DLG2: variants seen among roughly 807,000 people sequenced by gnomAD.
DLG2 encodes disks large homolog 2.
In DLG2, 45 loss-of-function variants were observed where a neutral mutation model predicts 132.5. That is an observed-to-expected ratio of 0.34 (90% CI 0.27 to 0.44). The LOEUF (loss-of-function observed/expected upper bound fraction) is 0.44, where lower values mean the gene tolerates loss of function less well. DLG2 is among the 20% of genes least tolerant of loss of function. DLG2 has a pLI of 1.00. For missense variants in DLG2, 1,045 were observed against 1,196.9 expected, an observed-to-expected ratio of 0.87 and a Z score of 1.87; for synonymous variants, 424 against 419.6, an observed-to-expected ratio of 1.01 and a Z score of -0.13.
At chr11:83,515,892 G>A (rs886879678) in intron 21 of DLG2, among the ~76,000 whole-genome samples, 1 of 152,218 alleles carries the variant, frequency 6.6e-6, no homozygotes, top group African/African-American at 2.4e-5. Context: ...CTGAGGGACA[G>A]TTTGTTATAA....
intron 19 of DLG2, among the ~76,000 whole-genome samples, chr11:83,588,614 C>T (rs1247967070): frequency 6.6e-6 from 1 of 151,552 alleles, no homozygotes; most frequent in African/African-American, 2.4e-5. Context: ...CAGTTCCTCA[C>T]CAGCAACGGA....
intron 6 of DLG2, among the ~76,000 whole-genome samples, chr11:84,733,408 T>C (rs926394650): frequency 3.3e-5 from 5 of 152,242 alleles, no homozygotes; most frequent in Non-Finnish European, 5.9e-5. Context: ...TGAGCATTTT[T>C]TACTGTGTCT....
upstream of DLG2, chr11:85,627,956 T>C: frequency 6.5e-6 from 1 of 152,856 alleles, no homozygotes; most frequent in South Asian, 2.0e-4. Flanking sequence ...GGCCTTGCAG[T>C]GCCCCCCACC....
chr11:85,551,397 GC>G (rs2076657243), intron 3 of DLG2, among the ~76,000 whole-genome samples: 1 of 151,966 alleles, frequency 6.6e-6, no homozygotes, highest in African/African-American at 2.4e-5. Flanking sequence ...GTCATGATTA[GC>G]CCAGTTTTTC....
At chr11:84,536,301 A>G (rs2099355492) in intron 6 of DLG2, among the ~76,000 whole-genome samples, 1 of 152,184 alleles carries the variant, frequency 6.6e-6, no homozygotes, top group South Asian at 2.1e-4. Context: ...ATAAGCGCCA[A>G]GACCCTATCC....
chr11:85,321,973 C>T (rs1241851731), intron 3 of DLG2, among the ~76,000 whole-genome samples: 1 of 152,046 alleles, frequency 6.6e-6, no homozygotes, highest in East Asian at 1.9e-4. Context: ...TATATTAAGG[C>T]TATAAGAATC....
chr11:84,502,326 C>A (rs2099217720), intron 7 of DLG2, among the ~76,000 whole-genome samples: 1 of 16,194 alleles, frequency 6.2e-5, no homozygotes, highest in East Asian at 9.9e-4. Context: ...TTCTTTCTTT[C>A]TTTCTTTCTT....
chr11:84,043,516 C>T (rs903695845), intron 11 of DLG2, among the ~76,000 whole-genome samples: 3 of 151,712 alleles, frequency 2.0e-5, no homozygotes, highest in African/African-American at 7.3e-5. Context: ...GTTATCTTTT[C>T]TCACTCTCTT....
At chr11:85,229,923 G>C (rs1234380406) in intron 4 of DLG2, among the ~76,000 whole-genome samples, 1 of 152,006 alleles carries the variant, frequency 6.6e-6, no homozygotes, top group Non-Finnish European at 1.5e-5. Flanking sequence ...GGTGGGAGTT[G>C]AACAATGAGA....
intron 16 of DLG2, among the ~76,000 whole-genome samples, chr11:83,869,508 T>C (rs1484772049): frequency 6.6e-6 from 1 of 152,160 alleles, no homozygotes; most frequent in Non-Finnish European, 1.5e-5. Flanking sequence ...GTGTCTTTTG[T>C]GCCAAACAGT....
At chr11:83,467,810 TACACACACACATATAAA>T (rs2091398631) in intron 25 of DLG2, among the ~76,000 whole-genome samples, 5 of 96,294 alleles carry the variant, frequency 5.2e-5, no homozygotes, top group South Asian at 3.8e-4. Context: ...TATATATATA[TACACACACACATATAAA>T]ATATATAATT....
chr11:83,584,245 C>G (rs1228408781), intron 19 of DLG2, among the ~76,000 whole-genome samples: 16 of 152,194 alleles, frequency 1.1e-4, no homozygotes, highest in Non-Finnish European at 2.1e-4. Context: ...TTCCTAGCAT[C>G]TAACACAGTG....
At chr11:85,321,059 G>A (rs187909569) in intron 3 of DLG2, among the ~76,000 whole-genome samples, 15 of 151,978 alleles carry the variant, frequency 9.9e-5, no homozygotes, top group Non-Finnish European at 2.1e-4. Flanking sequence ...ACTGTTTAGG[G>A]AATAGGAAAC....
chr11:85,618,798 G>A (rs1390067810), intron 2 of DLG2, among the ~76,000 whole-genome samples: 1 of 152,138 alleles, frequency 6.6e-6, no homozygotes, highest in Non-Finnish European at 1.5e-5. Context: ...AATGTTTTGT[G>A]CATACCTCAC....
chr11:83,820,248 G>GAAAAAA (rs2050395146), intron 17 of DLG2, among the ~76,000 whole-genome samples: 1 of 152,092 alleles, frequency 6.6e-6, no homozygotes, highest in African/African-American at 2.4e-5. Context: ...CTGAAAAAAA[G>GAAAAAA]TATAAGAAAA....
intron 21 of DLG2, among the ~76,000 whole-genome samples, chr11:83,507,938 C>T (rs2094815682): frequency 6.6e-6 from 1 of 151,578 alleles, no homozygotes; most frequent in Non-Finnish European, 1.5e-5. Context: ...GGGCAGAAAG[C>T]ATCCAGCAGG....
At chr11:84,271,109 A>G (rs1380821277) in intron 7 of DLG2, among the ~76,000 whole-genome samples, 2 of 152,344 alleles carry the variant, frequency 1.3e-5, no homozygotes, top group African/African-American at 4.8e-5. Context: ...GTCAGTTTAT[A>G]AAGAGTTATT....
intron 6 of DLG2, among the ~76,000 whole-genome samples, chr11:84,663,096 C>T (rs938421709): frequency 5.3e-5 from 8 of 152,100 alleles, no homozygotes; most frequent in Middle Eastern, 3.4e-3. Context: ...TGTCCTTCTC[C>T]CATTCTTTAC....
intron 6 of DLG2, among the ~76,000 whole-genome samples, chr11:84,900,567 TTAG>T (rs1298443509): frequency 1.3e-5 from 2 of 152,056 alleles, no homozygotes; most frequent in Non-Finnish European, 2.9e-5. Flanking sequence ...ATCATAAAGC[TTAG>T]TAGTTAAAAT....
Sources: gnomAD v4.1 joint callset for allele counts (sites outside exome capture counted in the v4.1 genomes callset) on GRCh38, gnomAD v4.1.1 for gene constraint, MANE v1.5 for transcripts, NCBI Gene and HGNC (gene_info 2026-07-23, HGNC 2026-07-21) for gene names.